IL15: variants seen among roughly 807,000 people sequenced by gnomAD.
The protein encoded by IL15 is interleukin-15.
A neutral mutation model predicts 19.6 loss-of-function variants in IL15; 11 were observed. The ratio of observed to expected loss-of-function variants is 0.56; its 90% CI spans 0.35 to 0.93. The LOEUF (loss-of-function observed/expected upper bound fraction) is 0.93. Among genes scored for constraint, IL15 ranks in the 40% least tolerant of loss-of-function variants. The pLI is 0.01. For synonymous variants in IL15, 58 were observed against 59.6 expected (o/e 0.97, Z 0.12); for missense variants, 197 against 186.5 (o/e 1.06, Z -0.33).
At chr4:141,646,102 T>C (rs1026236041) in intron 1 of IL15, among the ~76,000 whole-genome samples, 2 of 152,036 alleles carry the variant, frequency 1.3e-5, no homozygotes, top group African/African-American at 4.8e-5. Flanking sequence ...GTGTCATGCA[T>C]GTTCATGGGG....
chr4:141,670,426 A>G (rs1242804376), intron 2 of IL15, among the ~76,000 whole-genome samples: 2 of 152,186 alleles, frequency 1.3e-5, no homozygotes, highest in Non-Finnish European at 2.9e-5. Context: ...TAAAAACAAT[A>G]TGAGTTCCTT....
chr4:141,713,790 A>G (rs1040980141), intron 2 of IL15, among the ~76,000 whole-genome samples: 1 of 152,184 alleles, frequency 6.6e-6, no homozygotes, highest in African/African-American at 2.4e-5. Context: ...AAAGAAATGA[A>G]GTAAAATTTC....
intron 2 of IL15, among the ~76,000 whole-genome samples, chr4:141,660,218 T>C (rs17461627): frequency 0.011 from 1,711 of 152,338 alleles, 22 homozygotes; most frequent in Non-Finnish European, 0.017. Context: ...ATCTCACTTG[T>C]AGTCTTTATC....
intron 2 of IL15, among the ~76,000 whole-genome samples, chr4:141,696,213 C>T (rs984933922): frequency 1.2e-4 from 18 of 152,026 alleles, no homozygotes; most frequent in South Asian, 2.1e-4. Context: ...AATATATATT[C>T]TTGGCACCCT....
intron 7 of IL15, among the ~76,000 whole-genome samples, chr4:141,731,214 A>G (rs1247042591): frequency 2.0e-5 from 3 of 152,130 alleles, no homozygotes; most frequent in Non-Finnish European, 4.4e-5. Flanking sequence ...ACCTATTTAC[A>G]GTTGCAATCC....
chr4:141,644,384 G>A (rs543175655), intron 1 of IL15, among the ~76,000 whole-genome samples: 46 of 152,224 alleles, frequency 3.0e-4, no homozygotes, highest in African/African-American at 1.1e-3. Flanking sequence ...TCGGCTGCTT[G>A]ACTCCTCCTA....
intron 2 of IL15, among the ~76,000 whole-genome samples, chr4:141,657,298 G>A (rs1202391030): frequency 6.6e-6 from 1 of 152,154 alleles, no homozygotes; most frequent in Non-Finnish European, 1.5e-5. Context: ...TTGATTCAAT[G>A]AGTGAGTGGT....
At chr4:141,651,225 C>T (rs951100427) in intron 1 of IL15, among the ~76,000 whole-genome samples, 1 of 151,724 alleles carries the variant, frequency 6.6e-6, no homozygotes, top group African/African-American at 2.4e-5. Context: ...TATATATACA[C>T]ATACACAATG....
intron 2 of IL15, among the ~76,000 whole-genome samples, chr4:141,675,168 G>C (rs2152169548): frequency 6.6e-6 from 1 of 151,340 alleles, no homozygotes; most frequent in East Asian, 1.9e-4. Context: ...AAAACCAGAT[G>C]AACAGTGTAG....
rs374483570 is a variant in IL15, at chr4:141,733,516, G to A, written c.*668G>A. Reference sequence around the variant, plus strand: ...TGGCAATAATAAACTTCTACTGATAGGTAGAATGGTGTGCAAGCTTGTCCA... The same window carrying A: ...TGGCAATAATAAACTTCTACTGATAAGTAGAATGGTGTGCAAGCTTGTCCA... On this transcript the variant is annotated 3_prime_UTR_variant, in exon 8 of 8. Coordinates refer to ENST00000320650, the MANE Select transcript of IL15 (RefSeq NM_000585.5). The A allele has an allele frequency of 1.3e-5, 2 of 152,242 alleles. No individual in the cohort carries two copies. Among genetic ancestry groups the A allele is most frequent in the East Asian group, 3.8e-4 (2 of 5,206 alleles). 9.4% of individuals were successfully genotyped at this position (152,242 alleles called of 1,614,324 possible).
At chr4:141,728,619 A>G (rs1196683914) in intron 6 of IL15, among the ~76,000 whole-genome samples, 5 of 152,234 alleles carry the variant, frequency 3.3e-5, no homozygotes, top group East Asian at 1.9e-4. Context: ...TGAATCCCCA[A>G]CTTCACGTCA....
chr4:141,656,568 C>CT (rs1401552968), intron 2 of IL15, among the ~76,000 whole-genome samples: 3 of 152,140 alleles, frequency 2.0e-5, no homozygotes, highest in Non-Finnish European at 4.4e-5. Context: ...CAAATGCTCA[C>CT]TGTCACAATG....
chr4:141,658,400 C>G (rs1235850860), intron 2 of IL15, among the ~76,000 whole-genome samples: 4 of 151,988 alleles, frequency 2.6e-5, no homozygotes, highest in Non-Finnish European at 5.9e-5. Flanking sequence ...TCTTTGTCAC[C>G]AGCTGCTAGG....
At chr4:141,696,624 G>A (rs978722297) in intron 2 of IL15, among the ~76,000 whole-genome samples, 4 of 151,862 alleles carry the variant, frequency 2.6e-5, no homozygotes, top group African/African-American at 9.7e-5. Flanking sequence ...ATAGGTCTTA[G>A]TGTATGGAAT....
chr4:141,701,790 G>C (rs1729329690), intron 2 of IL15, among the ~76,000 whole-genome samples: 1 of 152,294 alleles, frequency 6.6e-6, no homozygotes, highest in East Asian at 1.9e-4. Flanking sequence ...CAGGCCAACA[G>C]AAAAGTTATC....
intron 2 of IL15, among the ~76,000 whole-genome samples, chr4:141,662,183 G>A (rs1259229586): frequency 6.6e-6 from 1 of 152,212 alleles, no homozygotes; most frequent in Non-Finnish European, 1.5e-5. Flanking sequence ...TTGCCATTGA[G>A]TACAATGCAC....
Position 141,688,008 on chromosome 4 carries a change from G to A in IL15, c.-99-31358G>A, listed in dbSNP as rs369440136. ...AGTGCTGCTTGCTACTTGTCAAGAC[G>A]ACAGTTCTCTCTGGGACAAGTTCTT... On this transcript the variant is annotated intron_variant, in intron 2 of 7. Transcript: ENST00000320650. Among the ~76,000 whole-genome samples, 8 of 152,268 alleles carry A rather than the reference G, an allele frequency of 5.3e-5. 1 individual carries two copies. The highest frequency in any genetic ancestry group is 1.4e-4 in the African/African-American group (6 of 41,556).
chr4:141,649,153 G>T (rs544592133), intron 1 of IL15, among the ~76,000 whole-genome samples: 1 of 152,084 alleles, frequency 6.6e-6, no homozygotes, highest in East Asian at 1.9e-4. Context: ...TCTCTTCCGT[G>T]CCCCCTTCTC....
intron 7 of IL15, 29 bp from the exon 8 acceptor site, chr4:141,732,709 C>T: frequency 6.3e-7 from 1 of 1,599,662 alleles, no homozygotes; most frequent in Non-Finnish European, 8.5e-7. Flanking sequence ...TTATAAATTG[C>T]CAATTTAATC....
Sources: allele counts gnomAD v4.1 joint callset (sites outside exome capture counted in the v4.1 genomes callset), GRCh38; gene constraint gnomAD v4.1.1; transcripts MANE v1.5; gene names NCBI Gene and HGNC (gene_info 2026-07-23, HGNC 2026-07-21).